DCC: variants seen among roughly 807,000 people sequenced by gnomAD.
DCC encodes the protein DCC netrin 1 receptor, also known as netrin receptor DCC.
Under a neutral mutation model 172.5 loss-of-function variants are expected in DCC, and 58 were observed. The ratio of observed to expected loss-of-function variants is 0.34; its 90% CI spans 0.27 to 0.42. The LOEUF is 0.42. Ranked by LOEUF, DCC falls within the 10% of genes least tolerant of loss-of-function variation. The pLI is 1.00. For synonymous variants in DCC, 709 were observed against 644.5 expected (o/e 1.10, Z -1.52); for missense variants, 1,740 against 1,791.0 (o/e 0.97, Z 0.51).
intron 1 of DCC, among the ~76,000 whole-genome samples, chr18:52,474,758 C>A (rs1404018524): frequency 1.3e-5 from 2 of 152,204 alleles, no homozygotes; most frequent in African/African-American, 4.8e-5. Context: ...GAATTCAGAT[C>A]TCTTCCGCTC....
At chr18:52,690,012 A>C (rs1484105838) in intron 1 of DCC, among the ~76,000 whole-genome samples, 1 of 152,180 alleles carries the variant, frequency 6.6e-6, no homozygotes, top group Non-Finnish European at 1.5e-5. Flanking sequence ...TGACATATTC[A>C]TTCAGTCAGT....
chr18:52,854,041 CT>C (rs1223453200), intron 2 of DCC, among the ~76,000 whole-genome samples: 7 of 152,146 alleles, frequency 4.6e-5, no homozygotes, highest in African/African-American at 1.7e-4. Context: ...GTTTCTTCAA[CT>C]GTAAAGTAGG....
chr18:52,551,186 T>C (rs763330982), intron 1 of DCC, among the ~76,000 whole-genome samples: 8 of 151,998 alleles, frequency 5.3e-5, no homozygotes, highest in African/African-American at 1.9e-4. Flanking sequence ...ATGGAGATCA[T>C]GGCAGAGCGG....
rs2055605786 is a variant in DCC at position 53,205,211 on chromosome 18, T to C, written c.1574-5T>C. On this transcript the variant is annotated splice_region_variant and splice_polypyrimidine_tract_variant and intron_variant, in intron 9 of 28. Transcript: ENST00000442544. The stretch of plus-strand genomic sequence containing the variant: ...TCTTTCTTTCTTTATTATTTTTTTA[T>C]ACAGTGCAAGTTCCAGGGCCAGTAG... The C allele has an allele frequency of 6.2e-7, 1 of 1,610,874 alleles. No homozygotes were observed. The highest frequency in any genetic ancestry group is 1.7e-5 in the Admixed American group (1 of 60,000).
At chr18:52,961,031 C>T (rs970267994) in intron 5 of DCC, among the ~76,000 whole-genome samples, 60 of 151,832 alleles carry the variant, frequency 4.0e-4, no homozygotes, top group African/African-American at 1.4e-3. Flanking sequence ...ATTGAGGGAA[C>T]TTAACGATTT....
intron 1 of DCC, among the ~76,000 whole-genome samples, chr18:52,463,437 A>C (rs1373585889): frequency 6.6e-6 from 1 of 152,176 alleles, no homozygotes; most frequent in East Asian, 1.9e-4. Context: ...TAGCCACAAT[A>C]ATTGTATGTA....
At chr18:53,527,323 GTTCTC>G in intron 28 of DCC, among the ~76,000 whole-genome samples, 1 of 151,614 alleles carries the variant, frequency 6.6e-6, no homozygotes, top group South Asian at 2.1e-4. Flanking sequence ...AGCTCAAGCA[GTTCTC>G]CTGCCTCAAT....
chr18:52,598,493 A>G (rs1014203474), intron 1 of DCC, among the ~76,000 whole-genome samples: 3 of 152,174 alleles, frequency 2.0e-5, no homozygotes, highest in Non-Finnish European at 4.4e-5. Flanking sequence ...GAAAGGAGTG[A>G]ACGCTTTTCT....
Position 53,534,967 on chromosome 18 carries a change from A to G in DCC, c.*4314A>G, listed in dbSNP as rs1009883887. The G allele has an allele frequency of 1.3e-5, 2 of 152,226 alleles. No individual in the cohort carries two copies. The highest frequency in any genetic ancestry group is 1.5e-5 in the Non-Finnish European group (1 of 68,044). The allele number at this position is 152,226 out of a possible 1,614,324, so 9.4% of individuals were successfully genotyped here. A position where few individuals can be genotyped will look rare whatever the true frequency, so the allele number is the denominator to read the frequency against. Reference sequence around the variant, plus strand: ...ATCCTATGATTGTTGTTGGTAGAAGAGCAAGAGCAAAACTCTGCAAGATTT... The same window carrying G: ...ATCCTATGATTGTTGTTGGTAGAAGGGCAAGAGCAAAACTCTGCAAGATTT... On this transcript the variant is annotated 3_prime_UTR_variant, in exon 29 of 29. Coordinates refer to ENST00000442544, the MANE Select transcript of DCC (RefSeq NM_005215.4).
chr18:52,991,956 T>C (rs754919675), intron 5 of DCC, among the ~76,000 whole-genome samples: 6 of 152,220 alleles, frequency 3.9e-5, no homozygotes, highest in African/African-American at 7.2e-5. Flanking sequence ...TATTTTACCA[T>C]AGAAGTCTGC....
chr18:53,523,087 C>G (rs2046418194), intron 27 of DCC, among the ~76,000 whole-genome samples: 1 of 152,072 alleles, frequency 6.6e-6, no homozygotes, highest in South Asian at 2.1e-4. Flanking sequence ...TACACAACCC[C>G]TTCAAAAAGT....
At chr18:53,358,552 T>TTTTTTC (rs2057906361) in intron 15 of DCC, among the ~76,000 whole-genome samples, 1 of 147,066 alleles carries the variant, frequency 6.8e-6, no homozygotes, top group African/African-American at 2.5e-5. Context: ...TTTTTTTTTT[T>TTTTTTC]GCGACAGAGT....
chr18:53,086,250 T>TC lies in DCC; in HGVS notation c.1261+20084_1261+20085insC. Among the ~76,000 whole-genome samples the TC allele has an allele frequency of 2.8e-4, 14 of 50,692 alleles. 6 individuals are homozygous for TC. The African/African-American group carries it at 3.2e-3, about 11-fold the overall frequency. 33.3% of individuals were successfully genotyped at this position (50,692 alleles called of 152,430 possible). ...CTTCCGTTCTTCTTCTTCTTCTTCC[T>TC]TTCTTCTTCTTCTTCTTCTTCTTCC... On this transcript the variant is annotated intron_variant, in intron 7 of 28. Transcript: ENST00000442544.
At chr18:52,632,568 T>G (rs2034697104) in intron 1 of DCC, among the ~76,000 whole-genome samples, 1 of 151,988 alleles carries the variant, frequency 6.6e-6, no homozygotes, top group Non-Finnish European at 1.5e-5. Flanking sequence ...GCTGAGTAAA[T>G]TTAAGGTCAA....
At chr18:53,093,336 AT>A (rs2043040812) in intron 7 of DCC, among the ~76,000 whole-genome samples, 1 of 152,212 alleles carries the variant, frequency 6.6e-6, no homozygotes, top group Non-Finnish European at 1.5e-5. Context: ...CTTAATATTG[AT>A]GATAAAAATT....
chr18:53,366,111 C>A (rs201799195), intron 15 of DCC, among the ~76,000 whole-genome samples: 18 of 151,980 alleles, frequency 1.2e-4, no homozygotes, highest in Middle Eastern at 3.4e-3. Flanking sequence ...GGCTGGAGTG[C>A]AGTGGCGCGA....
intron 12 of DCC, among the ~76,000 whole-genome samples, chr18:53,257,525 C>T (rs1375030132): frequency 5.9e-5 from 9 of 152,240 alleles, no homozygotes; most frequent in East Asian, 3.9e-4. Flanking sequence ...TATTGATTTG[C>T]GTGTGTTGAA....
At chr18:52,723,521 G>A (rs184378662) in intron 1 of DCC, among the ~76,000 whole-genome samples, 51 of 152,240 alleles carry the variant, frequency 3.3e-4, no homozygotes, top group Middle Eastern at 6.8e-3. Context: ...CCGTCCCTCA[G>A]ACCTAATTAC....
At chr18:52,777,248 T>C (rs2037450855) in intron 2 of DCC, among the ~76,000 whole-genome samples, 1 of 152,210 alleles carries the variant, frequency 6.6e-6, no homozygotes, top group Non-Finnish European at 1.5e-5. Context: ...AAGTTTATTC[T>C]GATAGTTGTG....
Sources: gnomAD v4.1 joint callset for allele counts (sites outside exome capture counted in the v4.1 genomes callset) on GRCh38, gnomAD v4.1.1 for gene constraint, MANE v1.5 for transcripts, NCBI Gene and HGNC (gene_info 2026-07-23, HGNC 2026-07-21) for gene names.